Variants in SPOCK1 observed in about 807,000 individuals in gnomAD.
SPOCK1 encodes testican-1.
SPOCK1 carries 23 observed loss-of-function variants against 55.3 expected under a neutral mutation model. That is an observed-to-expected ratio of 0.42 (90% CI 0.30 to 0.59). The LOEUF (loss-of-function observed/expected upper bound fraction) is 0.59. Ranked by LOEUF, SPOCK1 falls within the 20% of genes least tolerant of loss-of-function variation. SPOCK1 has a pLI of 0.22. For synonymous variants in SPOCK1, 226 were observed against 221.0 expected (o/e 1.02, Z -0.20); for missense variants, 499 against 552.5 (o/e 0.90, Z 0.97).
At chr5:137,037,129 AC>A (rs1751900163) in intron 6 of SPOCK1, among the ~76,000 whole-genome samples, 1 of 151,886 alleles carries the variant, frequency 6.6e-6, no homozygotes, top group Non-Finnish European at 1.5e-5. Flanking sequence ...AATCCAAGGC[AC>A]CCTTCTCCCC....
At chr5:137,433,713 A>C (rs1276015078) in intron 2 of SPOCK1, among the ~76,000 whole-genome samples, 1 of 152,182 alleles carries the variant, frequency 6.6e-6, no homozygotes, top group African/African-American at 2.4e-5. Context: ...TCCCAGATGG[A>C]ATCCAACCAA....
intron 5 of SPOCK1, among the ~76,000 whole-genome samples, chr5:137,072,513 T>C (rs1313093908): frequency 3.3e-5 from 5 of 152,204 alleles, no homozygotes; most frequent in Non-Finnish European, 7.3e-5. Flanking sequence ...TAAAAATAAA[T>C]GTGCTAGCAG....
At chr5:137,350,317 AC>A (rs1341097138) in intron 2 of SPOCK1, among the ~76,000 whole-genome samples, 2 of 152,234 alleles carry the variant, frequency 1.3e-5, no homozygotes, top group Non-Finnish European at 2.9e-5. Flanking sequence ...TGGTCTAATT[AC>A]ACTGTCCCAG....
Position 137,253,498 on chromosome 5 carries a change from T to A in SPOCK1, c.232+13512A>T, listed in dbSNP as rs180750974. Among the ~76,000 whole-genome samples, 3 of 152,312 alleles carry A rather than the reference T, an allele frequency of 2.0e-5. No individual in the cohort carries two copies. The East Asian group carries it at 5.8e-4, about 29-fold the overall frequency. On this transcript the variant is annotated intron_variant, in intron 3 of 10. Transcript: ENST00000394945. ...GGGAGTCATTGTATAAAACAAATTA[T>A]CACCTCTCAACAGTCCTGCCTTATC...
chr5:137,452,000 T>C lies in SPOCK1; in HGVS notation c.186+46373A>G, dbSNP rs1024374432. 6.6e-5 allele frequency among the ~76,000 whole-genome samples: 10 copies of C among 152,322 alleles called. No individual in the cohort carries two copies. In the East Asian group the frequency reaches 1.7e-3, roughly 26 times the overall value. On this transcript the variant is annotated intron_variant, in intron 2 of 10. Coordinates refer to ENST00000394945, the MANE Select transcript of SPOCK1 (RefSeq NM_004598.4). ...CAATACATGCATTATATACTGACCTTGGTTAAACATCTCAAATTTGAAAAT... is the reference window on the plus strand; with the variant it reads ...CAATACATGCATTATATACTGACCTCGGTTAAACATCTCAAATTTGAAAAT...
At chr5:137,120,726 T>C (rs751672794) in intron 4 of SPOCK1, among the ~76,000 whole-genome samples, 5 of 152,360 alleles carry the variant, frequency 3.3e-5, no homozygotes, top group Non-Finnish European at 4.4e-5. Context: ...CTTGCGACCA[T>C]GTATCACTGA....
chr5:137,064,373 ATGTGTGCGTG>A (rs1214136386), intron 6 of SPOCK1, among the ~76,000 whole-genome samples: 2 of 152,204 alleles, frequency 1.3e-5, no homozygotes, highest in South Asian at 2.1e-4. Context: ...GTGTGTGTGT[ATGTGTGCGTG>A]TGTGTGCGTG....
At chr5:137,484,079 C>T (rs1176122050) in intron 2 of SPOCK1, among the ~76,000 whole-genome samples, 1 of 152,220 alleles carries the variant, frequency 6.6e-6, no homozygotes, top group African/African-American at 2.4e-5. Context: ...CACTTTACCG[C>T]TGTGGTGGGA....
intron 3 of SPOCK1, among the ~76,000 whole-genome samples, chr5:137,249,990 A>AG (rs1561484110): frequency 6.6e-6 from 1 of 152,226 alleles, no homozygotes; most frequent in Admixed American, 6.5e-5. Flanking sequence ...ACTGTAAATC[A>AG]GGGGTCAATA....
chr5:137,356,836 T>TAGAGAGAGAG (rs1352078666), intron 2 of SPOCK1, among the ~76,000 whole-genome samples: 44 of 8,772 alleles, frequency 5.0e-3, no homozygotes, highest in Non-Finnish European at 6.8e-3. Flanking sequence ...TATATATATA[T>TAGAGAGAGAG]ATAGAGAGAG....
intron 2 of SPOCK1, among the ~76,000 whole-genome samples, chr5:137,377,254 T>C (rs947922691): frequency 2.6e-5 from 4 of 152,202 alleles, no homozygotes; most frequent in Non-Finnish European, 5.9e-5. Flanking sequence ...CAGTGATGAC[T>C]GAGCTTATGG....
chr5:137,016,660 G>A (rs542534200), intron 6 of SPOCK1, among the ~76,000 whole-genome samples: 1 of 152,268 alleles, frequency 6.6e-6, no homozygotes, highest in African/African-American at 2.4e-5. Context: ...TTTATCACAG[G>A]GACGGGGTAT....
In SPOCK1 at chr5:137,210,571, G is replaced by A. The variant is rs190404942; in HGVS notation, c.232+56439C>T. 2.6e-3 allele frequency among the ~76,000 whole-genome samples: 398 copies of A among 152,142 alleles called. 1 individual carries two copies. Among genetic ancestry groups the A allele is most frequent in the Non-Finnish European group, 4.2e-3 (283 of 68,000 alleles). On this transcript the variant is annotated intron_variant, in intron 3 of 10. Coordinates refer to ENST00000394945, the MANE Select transcript of SPOCK1 (RefSeq NM_004598.4). ...AGGTTCAGGAGAGACATAATAAAAG[G>A]CACATTTGTAATACAGGTCAGATAC...
chr5:137,211,783 A>C (rs1755622077), intron 3 of SPOCK1, among the ~76,000 whole-genome samples: 1 of 152,148 alleles, frequency 6.6e-6, no homozygotes, highest in Admixed American at 6.5e-5. Context: ...GCTTCCATAA[A>C]ACCCACAAAA....
chr5:137,075,014 T>C (rs555298871), intron 5 of SPOCK1, among the ~76,000 whole-genome samples: 2 of 152,234 alleles, frequency 1.3e-5, no homozygotes, highest in South Asian at 4.1e-4. Context: ...AATTTTTGTA[T>C]TTTTAGTACA....
intron 9 of SPOCK1, among the ~76,000 whole-genome samples, chr5:136,983,680 A>T (rs6871347): frequency 0.41 from 62,423 of 150,842 alleles, 13,468 homozygotes; most frequent in African/African-American, 0.48. Flanking sequence ...CTGCTCTAAA[A>T]CTACAATGCA....
At chr5:137,381,608 C>A (rs1751467720) in intron 2 of SPOCK1, among the ~76,000 whole-genome samples, 2 of 152,218 alleles carry the variant, frequency 1.3e-5, no homozygotes, top group African/African-American at 4.8e-5. Flanking sequence ...AGGGATTGCA[C>A]CCTCTGGAGC....
At chr5:137,378,913 T>C (rs1221521653) in intron 2 of SPOCK1, among the ~76,000 whole-genome samples, 1 of 152,112 alleles carries the variant, frequency 6.6e-6, no homozygotes, top group Non-Finnish European at 1.5e-5. Context: ...GGCTTGGAGA[T>C]AGCCATGGAG....
chr5:137,084,866 C>T (rs1656542622), intron 5 of SPOCK1, among the ~76,000 whole-genome samples: 4 of 148,422 alleles, frequency 2.7e-5, no homozygotes, highest in South Asian at 2.2e-4. Context: ...TGCTTTTCCT[C>T]GGGGTCCTTA....
Sources: allele counts gnomAD v4.1 joint callset (sites outside exome capture counted in the v4.1 genomes callset), GRCh38; gene constraint gnomAD v4.1.1; transcripts MANE v1.5; gene names NCBI Gene and HGNC (gene_info 2026-07-23, HGNC 2026-07-21).